Variants in RAPGEF1 observed in about 807,000 individuals in gnomAD.
RAPGEF1 encodes the protein CRK SH3-binding GNRP.
RAPGEF1 carries 33 observed loss-of-function variants against 143.3 expected under a neutral mutation model. That is an observed-to-expected ratio of 0.23 (90% CI 0.17 to 0.31). The LOEUF (loss-of-function observed/expected upper bound fraction) is 0.31. Among genes scored for constraint, RAPGEF1 ranks in the 10% least tolerant of loss-of-function variants. The pLI is 1.00. For missense variants in RAPGEF1, 1,199 were observed against 1,645.4 expected (o/e 0.73, Z 4.69); for synonymous variants, 629 against 676.5 (o/e 0.93, Z 1.09).
At chr9:131,664,491 T>C (rs1830111937) in intron 1 of RAPGEF1, among the ~76,000 whole-genome samples, 2 of 152,208 alleles carry the variant, frequency 1.3e-5, no homozygotes, top group African/African-American at 4.8e-5. Context: ...TGTTATTTCT[T>C]ACTGCAAGCC....
At chr9:131,586,841 A>AACAC (rs71374111) in intron 22 of RAPGEF1, among the ~76,000 whole-genome samples, 2,771 of 25,528 alleles carry the variant, frequency 0.11, 536 homozygotes, top group Non-Finnish European at 0.16. Flanking sequence ...CTCCGTCTCA[A>AACAC]ACACACACAC....
chr9:131,647,500 A>G (rs1969969832), intron 3 of RAPGEF1, among the ~76,000 whole-genome samples: 1 of 152,248 alleles, frequency 6.6e-6, no homozygotes, highest in Non-Finnish European at 1.5e-5. Context: ...AAAGCCATGC[A>G]TATGACCTGA....
intron 15 of RAPGEF1, among the ~76,000 whole-genome samples, chr9:131,599,983 T>C: frequency 6.6e-6 from 1 of 152,102 alleles, no homozygotes. Context: ...CTGGGCGTGG[T>C]GGCGCTTGCC....
At chr9:131,626,871 C>T (rs923790679) in intron 9 of RAPGEF1, among the ~76,000 whole-genome samples, 2 of 152,124 alleles carry the variant, frequency 1.3e-5, no homozygotes, top group Non-Finnish European at 1.5e-5. Flanking sequence ...GAGGCCGAGG[C>T]GGGCCGATCA....
chr9:131,663,010 G>A lies in RAPGEF1; in HGVS notation c.62-12061C>T, dbSNP rs186116611. Among the ~76,000 whole-genome samples, 528 of 152,026 alleles carry A rather than the reference G, an allele frequency of 3.5e-3. 2 individuals carry two copies. The highest frequency in any genetic ancestry group is 6.2e-3 in the Non-Finnish European group (425 of 68,006). On this transcript the variant is annotated intron_variant, in intron 1 of 26. Coordinates refer to ENST00000683357, the MANE Select transcript of RAPGEF1 (RefSeq NM_001377935.1). ...GAAAAAAAAAATCAAATCTACTGAT[G>A]TGCTGAAAGAATATTATGAAGCGAA...
chr9:131,656,982 C>T (rs1972642076), intron 1 of RAPGEF1, among the ~76,000 whole-genome samples: 1 of 152,230 alleles, frequency 6.6e-6, no homozygotes, highest in East Asian at 1.9e-4. Context: ...AGAAGAGATT[C>T]TTTCAAATGA....
chr9:131,646,952 G>A (rs1307661149), intron 3 of RAPGEF1, among the ~76,000 whole-genome samples: 1 of 152,118 alleles, frequency 6.6e-6, no homozygotes, highest in African/African-American at 2.4e-5. Context: ...GAGCTGAAGG[G>A]GAAAGGCTTT....
At chr9:131,582,434 G>A (rs1028566953) in intron 25 of RAPGEF1, among the ~76,000 whole-genome samples, 171 bp downstream of exon 25, 1 of 151,916 alleles carries the variant, frequency 6.6e-6, no homozygotes, top group Non-Finnish European at 1.5e-5. Flanking sequence ...TATATGTATT[G>A]TATATTATGC....
chr9:131,646,513 C>T (rs1969677543), intron 3 of RAPGEF1, among the ~76,000 whole-genome samples: 2 of 152,224 alleles, frequency 1.3e-5, no homozygotes, highest in South Asian at 4.1e-4. Context: ...TGTGGCTCCA[C>T]AGCCATGTGC....
At chr9:131,657,970 G>T (rs1972969697) in intron 1 of RAPGEF1, among the ~76,000 whole-genome samples, 1 of 152,220 alleles carries the variant, frequency 6.6e-6, no homozygotes, top group Non-Finnish European at 1.5e-5. Context: ...GCATGCTGGG[G>T]TGTATCAGTG....
chr9:131,698,751 ACG>A lies in RAPGEF1; in HGVS notation c.61+41017_61+41018del, dbSNP rs759710282. 1.5e-3 allele frequency among the ~76,000 whole-genome samples: 233 copies of A among 152,228 alleles called. 2 individuals are homozygous for A. Among genetic ancestry groups the A allele is most frequent in the Middle Eastern group, 3.4e-3 (1 of 294 alleles). On this transcript the variant is annotated intron_variant, in intron 1 of 26. Transcript: ENST00000683357. The stretch of plus-strand genomic sequence containing the variant: ...CCCCGACCAGGTGAGCAACCCCACT[ACG>A]GGAGGGACCCTGGGCTAGCCTGCTG...
Position 131,652,859 on chromosome 9 carries a change from G to A in RAPGEF1, c.62-1910C>T, listed in dbSNP as rs947049675. 1.2e-4 allele frequency among the ~76,000 whole-genome samples: 19 copies of A among 152,086 alleles called. No individual in the cohort carries two copies. In the East Asian group the frequency reaches 1.3e-3, roughly 11 times the overall value. Reference sequence around the variant, plus strand: ...ATAGTCATTTATTATCAAGTACTACGTACTGTACATAACCATATGTGCTAT... The same window carrying A: ...ATAGTCATTTATTATCAAGTACTACATACTGTACATAACCATATGTGCTAT... On this transcript the variant is annotated intron_variant, in intron 1 of 26. Coordinates refer to ENST00000683357, the MANE Select transcript of RAPGEF1 (RefSeq NM_001377935.1).
intron 1 of RAPGEF1, among the ~76,000 whole-genome samples, chr9:131,659,213 A>G (rs904427282): frequency 3.3e-5 from 5 of 152,230 alleles, no homozygotes; most frequent in African/African-American, 1.2e-4. Flanking sequence ...TTTAAAGATG[A>G]GGATTTCCAA....
intron 17 of RAPGEF1, among the ~76,000 whole-genome samples, chr9:131,592,876 C>T (rs900631803): frequency 6.6e-6 from 1 of 152,150 alleles, no homozygotes; most frequent in African/African-American, 2.4e-5. Flanking sequence ...TCAAGCCTCC[C>T]GAGTAGCTGG....
intron 16 of RAPGEF1, among the ~76,000 whole-genome samples, chr9:131,597,056 A>G (rs1365311279): frequency 6.6e-6 from 1 of 152,186 alleles, no homozygotes; most frequent in Non-Finnish European, 1.5e-5. Context: ...CGTAGAGCCA[A>G]AAAGAGCTGT....
intron 22 of RAPGEF1, 125 bp downstream of exon 22, chr9:131,587,611 G>C (rs1588208840): frequency 2.2e-6 from 2 of 889,816 alleles, no homozygotes; most frequent in Non-Finnish European, 3.5e-6. Flanking sequence ...ACCCCCAGGA[G>C]CTTAGCGGAA....
Position 131,627,949 on chromosome 9 carries a change from C to T in RAPGEF1, c.1165G>A (p.Gly389Arg). The change falls in exon 9 of 27, where the codon GGG becomes AGG. Residue 389 changes from glycine (G) to arginine (R), a missense_variant. Physicochemically the swap from Gly to Arg is moderately radical, Grantham distance 125 (BLOSUM62 -2). Around this residue, in one of 6 missense-constraint regions of RAPGEF1, gnomAD observed 613 missense variants for 710.9 expected, o/e 0.86. Transcript: ENST00000683357. The stretch of plus-strand genomic sequence containing the variant: ...CAGCTTGTGTTCCGGGAGCACTGCC[C>T]ACTGTCCCTGTCCAGAGAGGACAGC... The part of the protein sequence containing the change: ...EQLSSLDRDS[G>R]QCSRNTSCET... 6.3e-7 allele frequency: 1 copy of T among 1,589,370 alleles called. No homozygotes were observed. Among genetic ancestry groups the T allele is most frequent in the Non-Finnish European group, 8.6e-7 (1 of 1,167,794 alleles).
chr9:131,675,648 T>C lies in RAPGEF1; in HGVS notation c.62-24699A>G, dbSNP rs1483099007. On this transcript the variant is annotated intron_variant, in intron 1 of 26. Coordinates refer to ENST00000683357, the MANE Select transcript of RAPGEF1 (RefSeq NM_001377935.1). This position sits in a 1 kb window ranked among gnomAD's most constrained non-coding sequence, Gnocchi z 4.6. ...TAAGCACACACCATTATCCTGCCCC[T>C]GTACCAGGAAAGCCCCCAGGGAATG... Among the ~76,000 whole-genome samples the C allele has an allele frequency of 6.6e-6, 1 of 152,222 alleles. No individual in the cohort carries two copies. Among genetic ancestry groups the C allele is most frequent in the East Asian group, 1.9e-4 (1 of 5,200 alleles).
chr9:131,602,927 T>C (rs1956501125), intron 14 of RAPGEF1, among the ~76,000 whole-genome samples: 1 of 152,240 alleles, frequency 6.6e-6, no homozygotes, highest in Admixed American at 6.5e-5. Flanking sequence ...CAGTGAGCCC[T>C]GGAAGTGTCA....
Sources: allele counts gnomAD v4.1 joint callset (sites outside exome capture counted in the v4.1 genomes callset), GRCh38; gene constraint gnomAD v4.1.1; regional missense constraint gnomAD v4.1.1; non-coding constraint Gnocchi (gnomAD v3.1); transcripts MANE v1.5; gene names NCBI Gene and HGNC (gene_info 2026-07-23, HGNC 2026-07-21).